The following LEKR1 variants were observed in gnomAD, a reference collection of about 807,000 sequenced individuals.
LEKR1 encodes the protein protein LEKR1.
LEKR1 carries 59 observed loss-of-function variants against 72.4 expected under a neutral mutation model. That is an observed-to-expected ratio of 0.82 (90% CI 0.66 to 1.01). The LOEUF (loss-of-function observed/expected upper bound fraction) is 1.01, where lower values mean the gene tolerates loss of function less well. Among genes scored for constraint, LEKR1 ranks in the 50% least tolerant of loss-of-function variants. LEKR1 has a pLI of 0.00. For synonymous variants in LEKR1, 257 were observed against 263.2 expected (o/e 0.98, Z 0.23); for missense variants, 728 against 759.2 (o/e 0.96, Z 0.48).
At chr3:157,010,652 T>A (rs950534264) in intron 9 of LEKR1, among the ~76,000 whole-genome samples, 2 of 152,192 alleles carry the variant, frequency 1.3e-5, no homozygotes, top group South Asian at 4.1e-4. Context: ...ATAGTGATCA[T>A]GCAAGGAGGA....
At chr3:157,013,417 C>G (rs1576995009) in intron 10 of LEKR1, among the ~76,000 whole-genome samples, 1 of 152,214 alleles carries the variant, frequency 6.6e-6, no homozygotes, top group African/African-American at 2.4e-5. Context: ...GTGTTAGCAT[C>G]TGACATATGA....
At chr3:156,968,587 A>ATGC (rs1728848605) in intron 6 of LEKR1, among the ~76,000 whole-genome samples, 1 of 152,194 alleles carries the variant, frequency 6.6e-6, no homozygotes, top group Non-Finnish European at 1.5e-5. Context: ...CTAAATATAT[A>ATGC]TGCACCCAAT....
intron 3 of LEKR1, among the ~76,000 whole-genome samples, chr3:156,899,401 CATAT>C (rs1336630743): frequency 1.0e-4 from 7 of 67,028 alleles, no homozygotes; most frequent in African/African-American, 4.2e-4. Context: ...TGTATATATA[CATAT>C]ATACATATAT....
intron 5 of LEKR1, among the ~76,000 whole-genome samples, chr3:156,933,830 C>CA (rs773740353): frequency 3.5e-4 from 53 of 152,274 alleles, no homozygotes; most frequent in Middle Eastern, 6.8e-3. Context: ...AGAAAAATAA[C>CA]AAACAAGGAG....
chr3:156,833,641 T>C (rs1712726692), intron 2 of LEKR1, among the ~76,000 whole-genome samples: 1 of 152,152 alleles, frequency 6.6e-6, no homozygotes, highest in Non-Finnish European at 1.5e-5. Context: ...ACATGCCAAA[T>C]AAGCCAGATG....
chr3:156,960,778 C>A (rs1030758839), intron 6 of LEKR1, among the ~76,000 whole-genome samples: 3 of 152,102 alleles, frequency 2.0e-5, no homozygotes, highest in African/African-American at 7.2e-5. Context: ...CAACCTAACT[C>A]TTAATGCCAA....
At chr3:156,979,608 T>G (rs1313224087) in intron 7 of LEKR1, 1 of 158,458 alleles carries the variant, frequency 6.3e-6, no homozygotes, top group Non-Finnish European at 1.4e-5. Context: ...AACTTTTTTC[T>G]TATCTTTGTT....
At chr3:156,995,924 T>C (rs1731524383) in intron 9 of LEKR1, among the ~76,000 whole-genome samples, 2 of 144,128 alleles carry the variant, frequency 1.4e-5, no homozygotes, top group South Asian at 4.6e-4. Flanking sequence ...AGCGTTGCCT[T>C]CTTCTTTTTT....
At chr3:157,041,066 T>A (rs1735306572) in intron 12 of LEKR1, among the ~76,000 whole-genome samples, 1 of 152,140 alleles carries the variant, frequency 6.6e-6, no homozygotes, top group African/African-American at 2.4e-5. Context: ...AAACATATGG[T>A]GAACTAATTT....
At chr3:156,881,876 A>T (rs1353719702) in intron 3 of LEKR1, among the ~76,000 whole-genome samples, 1 of 147,062 alleles carries the variant, frequency 6.8e-6, no homozygotes, top group East Asian at 2.0e-4. Flanking sequence ...TCTTTGACAA[A>T]CCTGACAAAA....
At chr3:156,899,812 G>A (rs915036320) in intron 3 of LEKR1, among the ~76,000 whole-genome samples, 1 of 148,718 alleles carries the variant, frequency 6.7e-6, no homozygotes, top group African/African-American at 2.5e-5. Context: ...ATATACATAT[G>A]TACGTATATA....
chr3:156,939,273 T>C (rs1197419255), intron 5 of LEKR1, among the ~76,000 whole-genome samples: 1 of 152,132 alleles, frequency 6.6e-6, no homozygotes, highest in Non-Finnish European at 1.5e-5. Context: ...ACGGACACCA[T>C]GTGAATACAC....
At chr3:156,884,925 G>T (rs1719893107) in intron 3 of LEKR1, among the ~76,000 whole-genome samples, 1 of 151,862 alleles carries the variant, frequency 6.6e-6, no homozygotes, top group East Asian at 1.9e-4. Context: ...TTATTCTTAG[G>T]TTTGGCCATT....
At chr3:156,948,435 A>G (rs191985481) in intron 6 of LEKR1, among the ~76,000 whole-genome samples, 1 of 151,322 alleles carries the variant, frequency 6.6e-6, no homozygotes, top group Non-Finnish European at 1.5e-5. Context: ...ACTTCCCAAA[A>G]GAGTTCATCT....
intron 2 of LEKR1, among the ~76,000 whole-genome samples, chr3:156,847,463 G>C: frequency 6.6e-6 from 1 of 152,136 alleles, no homozygotes; most frequent in East Asian, 1.9e-4. Flanking sequence ...AAAACGAGAG[G>C]ATGATATAAT....
intron 11 of LEKR1, among the ~76,000 whole-genome samples, chr3:157,025,446 TAG>T (rs1040754885): frequency 6.6e-6 from 1 of 152,120 alleles, no homozygotes; most frequent in African/African-American, 2.4e-5. Context: ...GACTTGAGTG[TAG>T]AGTGTGTATG....
intron 6 of LEKR1, among the ~76,000 whole-genome samples, chr3:156,974,025 A>G (rs1056598015): frequency 6.6e-6 from 1 of 152,126 alleles, no homozygotes; most frequent in African/African-American, 2.4e-5. Context: ...CGCCCTGGAG[A>G]CATACTGCAG....
chr3:156,893,437 G>A (rs1720858727), intron 3 of LEKR1, among the ~76,000 whole-genome samples: 1 of 152,210 alleles, frequency 6.6e-6, no homozygotes, highest in Admixed American at 6.5e-5. Flanking sequence ...TAGTTTAGAT[G>A]TTTGTCCTCT....
chr3:157,015,934 T>A (rs1229090814), intron 10 of LEKR1, among the ~76,000 whole-genome samples: 1 of 152,132 alleles, frequency 6.6e-6, no homozygotes, highest in Non-Finnish European at 1.5e-5. Flanking sequence ...AAAAGTACAC[T>A]GGATTGGATT....
Sources: gnomAD v4.1 joint callset for allele counts (sites outside exome capture counted in the v4.1 genomes callset) on GRCh38, gnomAD v4.1.1 for gene constraint, MANE v1.5 for transcripts, NCBI Gene and HGNC (gene_info 2026-07-23, HGNC 2026-07-21) for gene names.